Variants in STPG2 observed in about 807,000 individuals in gnomAD.
STPG2 encodes the protein sperm-tail PG-rich repeat-containing protein 2.
STPG2 carries 56 observed loss-of-function variants against 54.2 expected under a neutral mutation model. The ratio of observed to expected loss-of-function variants is 1.03; its 90% confidence interval spans 0.83 to 1.29. STPG2 has a LOEUF of 1.29. Among genes scored for constraint, STPG2 ranks in the 50% most tolerant of loss-of-function variants. The pLI is 0.00. For missense variants in STPG2, 596 were observed against 544.9 expected, an observed-to-expected ratio of 1.09 and a Z score of -0.93; for synonymous variants, 200 against 181.8, an observed-to-expected ratio of 1.10 and a Z score of -0.81.
intron 8 of STPG2, among the ~76,000 whole-genome samples, chr4:97,851,553 T>C (rs1409129806): frequency 2.6e-5 from 4 of 152,222 alleles, no homozygotes; most frequent in Non-Finnish European, 1.5e-5. Context: ...TTCTGTGTTG[T>C]ATAAATATTT....
intron 10 of STPG2, among the ~76,000 whole-genome samples, chr4:97,610,209 G>T (rs1299330472): frequency 1.3e-5 from 2 of 151,980 alleles, no homozygotes; most frequent in Admixed American, 1.3e-4. Flanking sequence ...GATTTCAAAG[G>T]GAGTGTCTGA....
chr4:97,946,683 G>T (rs1733237265), intron 7 of STPG2, among the ~76,000 whole-genome samples: 1 of 152,038 alleles, frequency 6.6e-6, no homozygotes, highest in Non-Finnish European at 1.5e-5. Flanking sequence ...TCTATGCTTT[G>T]TCAAAGATCA....
intron 6 of STPG2, among the ~76,000 whole-genome samples, chr4:97,972,944 C>T (rs1284935077): frequency 6.6e-6 from 1 of 152,154 alleles, no homozygotes; most frequent in African/African-American, 2.4e-5. Flanking sequence ...TTGCAAATTG[C>T]CCACTCTTGG....
chr4:97,645,146 T>A (rs1450956902), intron 10 of STPG2, among the ~76,000 whole-genome samples: 1 of 151,970 alleles, frequency 6.6e-6, no homozygotes, highest in Admixed American at 6.6e-5. Context: ...ACTGTTGCCT[T>A]TTTATGTAAT....
chr4:98,033,505 GCCAAATTCTA>G (rs2149301730), intron 5 of STPG2, among the ~76,000 whole-genome samples: 1 of 152,184 alleles, frequency 6.6e-6, no homozygotes, highest in South Asian at 2.1e-4. Context: ...TGGATTCACA[GCCAAATTCTA>G]CCAAAGGTAC....
At chr4:97,945,160 C>T (rs946961448) in intron 7 of STPG2, among the ~76,000 whole-genome samples, 9 of 152,036 alleles carry the variant, frequency 5.9e-5, no homozygotes, top group Admixed American at 2.6e-4. Flanking sequence ...CCATCACCCA[C>T]GTAGTGTACA....
intron 4 of STPG2, among the ~76,000 whole-genome samples, chr4:97,534,177 A>G (rs1405658591): frequency 6.6e-6 from 1 of 152,052 alleles, no homozygotes; most frequent in Non-Finnish European, 1.5e-5. Flanking sequence ...GCATCATTTC[A>G]TATTTCATAT....
chr4:97,850,170 A>G (rs1729105398), intron 8 of STPG2, among the ~76,000 whole-genome samples: 1 of 148,790 alleles, frequency 6.7e-6, no homozygotes. Flanking sequence ...CTATCGCAAG[A>G]ACAAAAAATC....
intron 9 of STPG2, among the ~76,000 whole-genome samples, chr4:97,772,673 C>T (rs979050151): frequency 2.0e-5 from 3 of 151,824 alleles, no homozygotes; most frequent in African/African-American, 7.3e-5. Flanking sequence ...ACCATGAGTC[C>T]TACAAGAAAA....
intron 5 of STPG2, among the ~76,000 whole-genome samples, chr4:98,087,565 T>TC (rs1268006386): frequency 3.1e-4 from 45 of 146,340 alleles, no homozygotes; most frequent in African/African-American, 1.1e-3. Flanking sequence ...TTTTTCTTTT[T>TC]TTTTTTTTTT....
At chr4:97,995,269 C>T (rs1305092405) in intron 5 of STPG2, among the ~76,000 whole-genome samples, 5 of 150,902 alleles carry the variant, frequency 3.3e-5, no homozygotes, top group African/African-American at 1.2e-4. Flanking sequence ...GCTGAGAAAG[C>T]AAGCTGACTC....
intron 10 of STPG2, among the ~76,000 whole-genome samples, chr4:97,699,476 A>G (rs1448012326): frequency 6.6e-6 from 1 of 152,186 alleles, no homozygotes; most frequent in East Asian, 1.9e-4. Context: ...AAATTTCTTT[A>G]TCACCAATTT....
chr4:98,121,979 C>G (rs1193513291), intron 3 of STPG2, among the ~76,000 whole-genome samples: 1 of 152,124 alleles, frequency 6.6e-6, no homozygotes. Context: ...ATCAGCCTCC[C>G]AAAGTGCTGG....
intron 10 of STPG2, among the ~76,000 whole-genome samples, chr4:97,685,607 G>C (rs765449204): frequency 1.3e-5 from 2 of 152,146 alleles, no homozygotes; most frequent in Non-Finnish European, 2.9e-5. Flanking sequence ...TAGTAGGTAT[G>C]ATACTGTATG....
At chr4:97,653,708 G>A (rs1190532912) in intron 10 of STPG2, among the ~76,000 whole-genome samples, 1 of 152,156 alleles carries the variant, frequency 6.6e-6, no homozygotes, top group Non-Finnish European at 1.5e-5. Context: ...GTTTGTAGCA[G>A]TTAAGGACAA....
chr4:97,675,636 C>G (rs377542266), intron 10 of STPG2, among the ~76,000 whole-genome samples: 2 of 151,678 alleles, frequency 1.3e-5, no homozygotes, highest in East Asian at 1.9e-4. Flanking sequence ...GCTCTATTTT[C>G]TTCTTTGTTC....
At chr4:97,536,733 G>A (rs556490844) in intron 4 of STPG2, among the ~76,000 whole-genome samples, 6 of 152,110 alleles carry the variant, frequency 3.9e-5, no homozygotes, top group Non-Finnish European at 8.8e-5. Context: ...GCCTGTGGAT[G>A]AATCAAAGGA....
chr4:97,450,275 CTTT>C (rs1296993469), intron 4 of STPG2, among the ~76,000 whole-genome samples: 1 of 152,134 alleles, frequency 6.6e-6, no homozygotes, highest in Non-Finnish European at 1.5e-5. Flanking sequence ...TTCCCTCCTT[CTTT>C]TATTTATTCT....
rs35441618 is a variant in STPG2 at position 97,808,697 on chromosome 4, C to CAAA, written c.1204+32073_1204+32075dup. ...AAATTAGATATAAAAAGACAAAAACCAAAAAAAAAACCCACAGAAACAACA... is the reference window on the plus strand; with the variant it reads ...AAATTAGATATAAAAAGACAAAAACCAAAAAAAAAAAAACCCACAGAAACAACA... On this transcript the variant is annotated intron_variant, in intron 9 of 10. Coordinates refer to ENST00000295268, the MANE Select transcript of STPG2 (RefSeq NM_174952.3). Among the ~76,000 whole-genome samples, 142 of 142,524 alleles carry CAAA rather than the reference C, an allele frequency of 1.0e-3. 2 individuals are homozygous for CAAA. The highest frequency in any genetic ancestry group is 9.4e-3 in the East Asian group (47 of 4,992). The allele number at this position is 142,524 out of a possible 152,430, so 93.5% of individuals were successfully genotyped here.
Sources: allele counts gnomAD v4.1 joint callset (sites outside exome capture counted in the v4.1 genomes callset), GRCh38; gene constraint gnomAD v4.1.1; transcripts MANE v1.5; gene names NCBI Gene and HGNC (gene_info 2026-07-23, HGNC 2026-07-21).